The following RTKN2 variants were observed in gnomAD, a reference collection of about 807,000 sequenced individuals.
RTKN2 encodes the protein rhotekin-2.
RTKN2 carries 69 observed loss-of-function variants against 71.5 expected under a neutral mutation model. That is an observed-to-expected ratio of 0.96 (90% CI 0.79 to 1.18). The LOEUF (loss-of-function observed/expected upper bound fraction) is 1.18, where lower values mean the gene tolerates loss of function less well. Ranked by LOEUF, RTKN2 falls within the 50% of genes most tolerant of loss-of-function variation. The pLI is 0.00. For synonymous variants in RTKN2, 236 were observed against 236.5 expected, an observed-to-expected ratio of 1.00 and a Z score of 0.02; for missense variants, 724 against 719.7, an observed-to-expected ratio of 1.01 and a Z score of -0.07.
Position 62,236,127 on chromosome 10 carries a change from T to G in RTKN2, c.625A>C (p.Ile209Leu), listed in dbSNP as rs370707337. ...TSISKATGKK[I>L]SSVLQEEDDE... is the part of the protein sequence containing the mutation. Reference sequence around the variant, plus strand: ...TCCTCTTCTTGAAGCACTGAACTTATTTTCTTTCCTGTAGCTTTACTTATA... The same window carrying G: ...TCCTCTTCTTGAAGCACTGAACTTAGTTTCTTTCCTGTAGCTTTACTTATA... Residue 209 changes from isoleucine to leucine, a missense_variant, in exon 6 of 12, where the codon ATA becomes CTA. Ile to Leu is a conservative substitution (Grantham distance 5, BLOSUM62 2). Transcript: ENST00000373789. The G allele has an allele frequency of 6.2e-7, 1 of 1,613,112 alleles. No individual in the cohort carries two copies. Among genetic ancestry groups the G allele is most frequent in the South Asian group, 1.1e-5 (1 of 91,040 alleles).
chr10:62,260,680 CTTAT>C (rs1341473697), intron 2 of RTKN2, among the ~76,000 whole-genome samples: 1 of 152,090 alleles, frequency 6.6e-6, no homozygotes, highest in Non-Finnish European at 1.5e-5. Flanking sequence ...AGGCATTAGG[CTTAT>C]TTAATAGTTT....
downstream of RTKN2, among the ~76,000 whole-genome samples, chr10:62,191,800 TAA>T (rs2132766306): frequency 6.6e-6 from 1 of 152,328 alleles, no homozygotes; most frequent in East Asian, 1.9e-4. Context: ...AGGTATTTCC[TAA>T]ACTTTTATGC....
intron 1 of RTKN2, among the ~76,000 whole-genome samples, chr10:62,268,048 A>G (rs1842897360): frequency 6.6e-6 from 1 of 152,140 alleles, no homozygotes; most frequent in Non-Finnish European, 1.5e-5. Context: ...CAAACCTTCA[A>G]CTTTTTCTAA....
intron 4 of RTKN2, among the ~76,000 whole-genome samples, chr10:62,240,747 A>G: frequency 6.6e-6 from 1 of 152,278 alleles, no homozygotes; most frequent in East Asian, 1.9e-4. Context: ...ATCTTTCCCT[A>G]TTTCATCCTG....
rs1397382147 is a variant in RTKN2 at position 62,230,266 on chromosome 10, C to T, written c.686+5800G>A. 2.0e-5 allele frequency among the ~76,000 whole-genome samples: 3 copies of T among 151,926 alleles called. No individual in the cohort carries two copies. The South Asian group carries it at 6.2e-4, about 31-fold the overall frequency. On this transcript the variant is annotated intron_variant, in intron 6 of 11. Coordinates refer to ENST00000373789, the MANE Select transcript of RTKN2 (RefSeq NM_145307.4). ...AGCTCACTGCAACCTCTGCCTCCTG[C>T]GTTCAAGCGATTCTCCTGCCTCAGC...
intron 8 of RTKN2, among the ~76,000 whole-genome samples, chr10:62,186,908 C>T (rs1841144899): frequency 6.6e-6 from 1 of 152,086 alleles, no homozygotes; most frequent in Non-Finnish European, 1.5e-5. Context: ...ATTAATAGTA[C>T]AAGTTATTGA....
intron 1 of RTKN2, among the ~76,000 whole-genome samples, chr10:62,266,113 G>A (rs1842864322): frequency 6.6e-6 from 1 of 152,208 alleles, no homozygotes; most frequent in Non-Finnish European, 1.5e-5. Context: ...ACAGAAGCCT[G>A]TGTCACTGTC....
At chr10:62,245,976 T>A in intron 3 of RTKN2, 23 bp downstream of exon 3, 1 of 1,440,270 alleles carries the variant, frequency 6.9e-7, no homozygotes, top group Non-Finnish European at 9.6e-7. Context: ...TTCAGCAATA[T>A]AAAAGATTCA....
chr10:62,196,541 GT>G lies in RTKN2; in HGVS notation c.*1366del. The stretch of plus-strand genomic sequence containing the variant: ...GAAAGGCTCCATTTAAATTAATGTG[GT>G]TTTTTGGTCAAGTGTTCATTTTGTT... On this transcript the variant is annotated 3_prime_UTR_variant, in exon 12 of 12. Coordinates refer to ENST00000373789, the MANE Select transcript of RTKN2 (RefSeq NM_145307.4). 2 of 985,326 alleles carry G rather than the reference GT, an allele frequency of 2.0e-6. No individual in the cohort carries two copies. Among genetic ancestry groups the G allele is most frequent in the Non-Finnish European group, 2.4e-6 (2 of 829,876 alleles). The allele number at this position is 985,326 out of a possible 1,614,324, so 61.0% of individuals were successfully genotyped here. A position where few individuals can be genotyped will look rare whatever the true frequency, so the allele number is the denominator to read the frequency against.
chr10:62,267,670 G>C (rs899303811), intron 1 of RTKN2, among the ~76,000 whole-genome samples: 1 of 152,124 alleles, frequency 6.6e-6, no homozygotes, highest in East Asian at 1.9e-4. Context: ...TTTAAACAAA[G>C]ATATCAGGTG....
At chr10:62,254,010 T>C (rs1842628688) in intron 2 of RTKN2, among the ~76,000 whole-genome samples, 1 of 152,080 alleles carries the variant, frequency 6.6e-6, no homozygotes, top group African/African-American at 2.4e-5. Flanking sequence ...GAGCTACTAA[T>C]TGGAAACTGG....
chr10:62,197,513 T>G lies in RTKN2; in HGVS notation c.*395A>C, dbSNP rs548896019. 11 of 990,668 alleles carry G rather than the reference T, an allele frequency of 1.1e-5. No homozygotes were observed. The South Asian group carries it at 5.1e-4, about 46-fold the overall frequency. The allele number at this position is 990,668 out of a possible 1,614,324, so 61.4% of individuals were successfully genotyped here. A position where few individuals can be genotyped will look rare whatever the true frequency, so the allele number is the denominator to read the frequency against. ...TAAAACCTTTGAAACATTCCATTAG[T>G]ATTAAAATTCTCACAATGAGAATAT... On this transcript the variant is annotated 3_prime_UTR_variant, in exon 12 of 12. Transcript: ENST00000373789.
chr10:62,264,980 G>C (rs2133112695), intron 1 of RTKN2, among the ~76,000 whole-genome samples: 1 of 152,074 alleles, frequency 6.6e-6, no homozygotes, highest in South Asian at 2.1e-4. Context: ...CCACATTAAG[G>C]AATCAGTTTG....
At chr10:62,204,819 A>G in intron 10 of RTKN2, 38 bp downstream of exon 10, 1 of 1,466,374 alleles carries the variant, frequency 6.8e-7, no homozygotes, top group Non-Finnish European at 9.2e-7. Context: ...TTTAGGCTAC[A>G]TAAATACACA....
intron 3 of RTKN2, among the ~76,000 whole-genome samples, chr10:62,242,517 T>G (rs1168469291): frequency 6.6e-6 from 1 of 152,210 alleles, no homozygotes; most frequent in East Asian, 1.9e-4. Context: ...AACTACCACT[T>G]TTTGTATATT....
chr10:62,194,852 A>G lies in RTKN2; in HGVS notation c.*3056T>C, dbSNP rs1841290329. 1.0e-6 allele frequency: 1 copy of G among 985,216 alleles called. No individual in the cohort carries two copies. Among genetic ancestry groups the G allele is most frequent in the Non-Finnish European group, 1.2e-6 (1 of 829,732 alleles). 61.0% of individuals were successfully genotyped at this position (985,216 alleles called of 1,614,324 possible). On this transcript the variant is annotated 3_prime_UTR_variant, in exon 12 of 12. Transcript: ENST00000373789. ...CATTTAGTAAGATCCCAAAGGGTAA[A>G]GATAAGGCATTTATAATAAATGGAT... is the stretch of plus-strand genomic sequence containing the variant.
intron 1 of RTKN2, 83 bp downstream of exon 1, chr10:62,268,468 C>A (rs1386493778): frequency 2.3e-6 from 3 of 1,311,462 alleles, no homozygotes; most frequent in Non-Finnish European, 3.2e-6. Context: ...AGAGGCTTTC[C>A]CGACTCCTCC....
downstream of RTKN2, among the ~76,000 whole-genome samples, chr10:62,189,335 G>A (rs559398211): frequency 5.3e-5 from 8 of 152,264 alleles, no homozygotes; most frequent in South Asian, 1.2e-3. Flanking sequence ...ACCCCTGGTT[G>A]AGATCATAGT....
In RTKN2 at chr10:62,194,621, G is replaced by A; in HGVS notation, c.*3287C>T. On this transcript the variant is annotated 3_prime_UTR_variant, in exon 12 of 12. Transcript: ENST00000373789. ...GTTGTGCCTCATTCGTGGTAACACA[G>A]GTGATTACATTCAAATGGCATTTAA... 2 of 985,346 alleles carry A rather than the reference G, an allele frequency of 2.0e-6. No homozygotes were observed. Among genetic ancestry groups the A allele is most frequent in the Non-Finnish European group, 2.4e-6 (2 of 829,860 alleles). The allele number at this position is 985,346 out of a possible 1,614,324, so 61.0% of individuals were successfully genotyped here. A position where few individuals can be genotyped will look rare whatever the true frequency, so the allele number is the denominator to read the frequency against.
Sources: gnomAD v4.1 joint callset for allele counts (sites outside exome capture counted in the v4.1 genomes callset) on GRCh38, gnomAD v4.1.1 for gene constraint, MANE v1.5 for transcripts, NCBI Gene and HGNC (gene_info 2026-07-23, HGNC 2026-07-21) for gene names.